GRAMD2A: variants seen among roughly 807,000 people sequenced by gnomAD.
GRAMD2A encodes GRAM domain-containing protein 2A.
Under a neutral mutation model 51.1 loss-of-function variants are expected in GRAMD2A, and 37 were observed. The ratio of observed to expected loss-of-function variants is 0.72; its 90% confidence interval spans 0.56 to 0.95. The LOEUF (loss-of-function observed/expected upper bound fraction) is 0.95. Ranked by LOEUF, GRAMD2A falls within the 40% of genes least tolerant of loss-of-function variation. GRAMD2A has a pLI of 0.00. For synonymous variants in GRAMD2A, 136 were observed against 157.1 expected, an observed-to-expected ratio of 0.87 and a Z score of 1.01; for missense variants, 414 against 426.9, an observed-to-expected ratio of 0.97 and a Z score of 0.27.
At chr15:72,163,912 G>T in intron 8 of GRAMD2A, 155 bp from the exon 9 acceptor site, 1 of 700,520 alleles carries the variant, frequency 1.4e-6, no homozygotes, top group Non-Finnish European at 2.3e-6. Flanking sequence ...GAGGGCAGTT[G>T]CTATAGCAAC....
intron 1 of GRAMD2A, among the ~76,000 whole-genome samples, chr15:72,190,239 C>T (rs1234879974): frequency 2.0e-5 from 3 of 152,192 alleles, no homozygotes; most frequent in African/African-American, 4.8e-5. Context: ...AATAGCCGGG[C>T]GTGGTGGCAG....
At position 72,170,932 on chromosome 15, in the gene GRAMD2A, C is replaced by A. The variant is rs965886736; in HGVS notation, c.42-993G>T. ...TGTGACTGAGGCCAGCCAAAGTTCT[C>A]TTCTTCAAGAACAGAGTTTTCGCCT... On this transcript the variant is annotated intron_variant, in intron 1 of 11. Coordinates refer to ENST00000309731, the MANE Select transcript of GRAMD2A (RefSeq NM_001012642.3). This position sits in a 1 kb window ranked among gnomAD's most constrained non-coding sequence, Gnocchi z 4.5. 2.0e-5 allele frequency among the ~76,000 whole-genome samples: 3 copies of A among 152,224 alleles called. No homozygotes were observed. The highest frequency in any genetic ancestry group is 4.1e-4 in the South Asian group (2 of 4,836).
intron 1 of GRAMD2A, among the ~76,000 whole-genome samples, chr15:72,181,049 G>A (rs1386252978): frequency 6.6e-6 from 1 of 152,216 alleles, no homozygotes; most frequent in Non-Finnish European, 1.5e-5. Context: ...GGAGAAGGGG[G>A]ATTCTGGGCG....
chr15:72,182,489 A>C (rs1408626152), intron 1 of GRAMD2A, among the ~76,000 whole-genome samples: 1 of 152,222 alleles, frequency 6.6e-6, no homozygotes. Context: ...AAAGCATAAG[A>C]AACAGAAGAA....
chr15:72,194,128 CG>C (rs2081788603), intron 1 of GRAMD2A, among the ~76,000 whole-genome samples: 2 of 152,196 alleles, frequency 1.3e-5, no homozygotes, highest in African/African-American at 4.8e-5. Flanking sequence ...AGGTGAATAG[CG>C]CACAGTGGCC....
At chr15:72,190,459 T>C (rs1208240913) in intron 1 of GRAMD2A, among the ~76,000 whole-genome samples, 1 of 152,184 alleles carries the variant, frequency 6.6e-6, no homozygotes, top group East Asian at 1.9e-4. Context: ...ACCTTTGTCC[T>C]CATGTTCCTT....
intron 1 of GRAMD2A, among the ~76,000 whole-genome samples, chr15:72,177,621 A>C (rs746666630): frequency 6.6e-6 from 1 of 152,238 alleles, no homozygotes; most frequent in African/African-American, 2.4e-5. Flanking sequence ...GCCTCTTATG[A>C]AAGTGCTATG....
intron 2 of GRAMD2A, 97 bp downstream of exon 2, chr15:72,169,750 C>G: frequency 1.0e-6 from 1 of 995,250 alleles, no homozygotes; most frequent in Non-Finnish European, 1.6e-6. Context: ...AAAGGGGCCC[C>G]GGCTCTGCCT....
chr15:72,172,243 C>T lies in GRAMD2A; in HGVS notation c.42-2304G>A, dbSNP rs566055068. Among the ~76,000 whole-genome samples, 21 of 152,224 alleles carry T rather than the reference C, an allele frequency of 1.4e-4. No homozygotes were observed. The South Asian group carries it at 4.1e-3, about 30-fold the overall frequency. ...ATGTGATCCTCCCACCTCAGCTTCC[C>T]AAGTAGCTGGGACTACAGGAATGCT... On this transcript the variant is annotated intron_variant, in intron 1 of 11. Transcript: ENST00000309731.
chr15:72,184,515 C>A (rs2140557834), intron 1 of GRAMD2A, among the ~76,000 whole-genome samples: 1 of 152,364 alleles, frequency 6.6e-6, no homozygotes, highest in Non-Finnish European at 1.5e-5. Flanking sequence ...CTTCCTGGTG[C>A]AGTGCGTGTA....
chr15:72,169,193 G>A (rs1422274713), intron 2 of GRAMD2A, 197 bp from the exon 3 acceptor site: 19 of 608,282 alleles, frequency 3.1e-5, no homozygotes, highest in Non-Finnish European at 5.3e-5. Context: ...CTGGGGGAGG[G>A]CACTGCGGGA....
At chr15:72,196,730 G>C (rs1006417487) in intron 1 of GRAMD2A, among the ~76,000 whole-genome samples, 6 of 152,080 alleles carry the variant, frequency 3.9e-5, no homozygotes, top group African/African-American at 1.4e-4. Flanking sequence ...TGCAAGGAGG[G>C]GCACCTTTAA....
At chr15:72,167,670 A>T in intron 5 of GRAMD2A, 66 bp downstream of exon 5, 1 of 1,236,378 alleles carries the variant, frequency 8.1e-7, no homozygotes, top group Non-Finnish European at 1.2e-6. Flanking sequence ...ACTTTGAGGC[A>T]TGCCCGTGGG....
chr15:72,164,486 G>A (rs946155345), intron 8 of GRAMD2A, among the ~76,000 whole-genome samples: 6 of 151,008 alleles, frequency 4.0e-5, no homozygotes, highest in African/African-American at 1.5e-4. Context: ...GCTCACTGCA[G>A]CCTTAACCTC....
At chr15:72,172,120 C>CCGGCCTTTTTTTTTTTGCA (rs2081616213) in intron 1 of GRAMD2A, among the ~76,000 whole-genome samples, 7 of 150,584 alleles carry the variant, frequency 4.6e-5, no homozygotes, top group African/African-American at 1.7e-4. Context: ...GCCACCACGC[C>CCGGCCTTTTTTTTTTTGCA]CGGCCTTTTT....
chr15:72,189,080 A>G (rs1382830772), intron 1 of GRAMD2A, among the ~76,000 whole-genome samples: 1 of 152,238 alleles, frequency 6.6e-6, no homozygotes, highest in Non-Finnish European at 1.5e-5. Context: ...CCTGAATTTT[A>G]TAATTAGAAT....
chr15:72,160,883 G>A lies in GRAMD2A; in HGVS notation c.*1126C>T, dbSNP rs2140541061. On this transcript the variant is annotated 3_prime_UTR_variant, in exon 12 of 12. Transcript: ENST00000309731. Reference sequence around the variant, plus strand: ...AGATAGACCCCCTGGCCTGGTTCCTGCACTGTGCTAGGCCCACAGTGGACA... The same window carrying A: ...AGATAGACCCCCTGGCCTGGTTCCTACACTGTGCTAGGCCCACAGTGGACA... 2 of 152,578 alleles carry A rather than the reference G, an allele frequency of 1.3e-5. No individual in the cohort carries two copies. The highest frequency in any genetic ancestry group is 1.9e-4 in the East Asian group (1 of 5,188). The allele number at this position is 152,578 out of a possible 1,614,324, so 9.5% of individuals were successfully genotyped here. A position where few individuals can be genotyped will look rare whatever the true frequency, so the allele number is the denominator to read the frequency against.
At chr15:72,183,161 C>G (rs187894186) in intron 1 of GRAMD2A, among the ~76,000 whole-genome samples, 1 of 151,906 alleles carries the variant, frequency 6.6e-6, no homozygotes, top group African/African-American at 2.4e-5. Flanking sequence ...GTGTGAGCCA[C>G]TGTGCCCAGA....
intron 4 of GRAMD2A, among the ~76,000 whole-genome samples, 168 bp from the exon 5 acceptor site, chr15:72,168,007 G>A (rs1014997615): frequency 6.6e-6 from 1 of 151,996 alleles, no homozygotes; most frequent in African/African-American, 2.4e-5. Context: ...ATTCCCCAGC[G>A]TCGAAGGGTC....
Sources: gnomAD v4.1 joint callset for allele counts (sites outside exome capture counted in the v4.1 genomes callset) on GRCh38, gnomAD v4.1.1 for gene constraint, Gnocchi (gnomAD v3.1) non-coding constraint, MANE v1.5 for transcripts, NCBI Gene and HGNC (gene_info 2026-07-23, HGNC 2026-07-21) for gene names.